The following LRRC18 variants were observed in gnomAD, a reference collection of about 807,000 sequenced individuals.
LRRC18 encodes the protein leucine rich repeat containing 18.
LRRC18 carries 12 observed loss-of-function variants against 11.2 expected under a neutral mutation model. That is an observed-to-expected ratio of 1.07 (90% CI 0.69 to 1.74). LRRC18 has a LOEUF of 1.74. Ranked by LOEUF, LRRC18 falls within the 40% of genes most tolerant of loss-of-function variation. The pLI, the probability that LRRC18 is intolerant of heterozygous loss-of-function variation, is 0.00. For missense variants in LRRC18, 374 were observed against 330.5 expected, an observed-to-expected ratio of 1.13 and a Z score of -1.02; for synonymous variants, 155 against 130.6, an observed-to-expected ratio of 1.19 and a Z score of -1.27.
At chr10:48,914,551 A>C (rs2377652), upstream of LRRC18, among the ~76,000 whole-genome samples, 21,509 of 152,066 alleles carry the variant, frequency 0.14, 1,749 homozygotes, top group Middle Eastern at 0.22. Context: ...ACCCAGAGCC[A>C]TGTGTGTGTG....
chr10:48,919,453 C>A, the LRRC18 span, among the ~76,000 whole-genome samples: 1 of 152,202 alleles, frequency 6.6e-6, no homozygotes, highest in East Asian at 1.9e-4. Context: ...TTCTATCAAA[C>A]ATTTAAAGAA....
At chr10:48,925,872 G>A in the LRRC18 span, among the ~76,000 whole-genome samples, 5 of 152,232 alleles carry the variant, frequency 3.3e-5, no homozygotes, top group East Asian at 9.6e-4. Context: ...ATGCTGCTGG[G>A]CCCTTCATGT....
chr10:48,929,661 A>T, the LRRC18 span, among the ~76,000 whole-genome samples: 1 of 152,172 alleles, frequency 6.6e-6, no homozygotes, highest in African/African-American at 2.4e-5. Context: ...TCTTGCCCGG[A>T]CCTTGCTCCC....
the LRRC18 span, among the ~76,000 whole-genome samples, chr10:48,928,474 T>C: frequency 6.6e-6 from 1 of 151,458 alleles, no homozygotes; most frequent in South Asian, 2.1e-4. Context: ...GGACTCCAGG[T>C]GCCAGCCCAG....
chr10:48,939,103 C>A, the LRRC18 span, among the ~76,000 whole-genome samples: 2 of 152,216 alleles, frequency 1.3e-5, no homozygotes, highest in Admixed American at 6.5e-5. Flanking sequence ...ACTGGGCTGA[C>A]TGAGCAGGTG....
chr10:48,936,414 C>A, the LRRC18 span, among the ~76,000 whole-genome samples: 3 of 151,918 alleles, frequency 2.0e-5, no homozygotes, highest in East Asian at 3.8e-4. Context: ...TATGTGAATA[C>A]ATAATTTAAA....
chr10:48,916,268 G>C (rs929751087), upstream of LRRC18, among the ~76,000 whole-genome samples: 2 of 152,228 alleles, frequency 1.3e-5, no homozygotes, highest in Non-Finnish European at 2.9e-5. Flanking sequence ...AGGACAGAAA[G>C]ATTTCTGATT....
At chr10:48,922,881 G>A in the LRRC18 span, among the ~76,000 whole-genome samples, 1 of 152,138 alleles carries the variant, frequency 6.6e-6, no homozygotes, top group African/African-American at 2.4e-5. Context: ...AGGGATTAGG[G>A]GTTGGGGAAA....
chr10:48,915,563 A>G (rs2133528528), upstream of LRRC18, among the ~76,000 whole-genome samples: 1 of 152,264 alleles, frequency 6.6e-6, no homozygotes, highest in East Asian at 1.9e-4. Context: ...CTTTTATTAG[A>G]ACCCAAGTTG....
At chr10:48,926,806 C>G in the LRRC18 span, among the ~76,000 whole-genome samples, 1 of 152,182 alleles carries the variant, frequency 6.6e-6, no homozygotes, top group Admixed American at 6.5e-5. Flanking sequence ...GTTTATGGGG[C>G]ACACATAATG....
exon 2 of LRRC18, chr10:48,910,191 T>TGTA: frequency 3.3e-6 from 5 of 1,507,186 alleles, no homozygotes; most frequent in Non-Finnish European, 4.6e-6. Flanking sequence ...TTCAGAGTCG[T>TGTA]TTATTCTGTT....
exon 2 of LRRC18, chr10:48,910,056 G>A: frequency 1.7e-6 from 1 of 592,270 alleles, no homozygotes; most frequent in Non-Finnish European, 3.0e-6. Context: ...ACACAGGTGG[G>A]CTAAAGCTAA....
At chr10:48,930,904 A>G in the LRRC18 span, among the ~76,000 whole-genome samples, 11 of 152,180 alleles carry the variant, frequency 7.2e-5, no homozygotes, top group Non-Finnish European at 1.0e-4. Flanking sequence ...ATGCACCCCC[A>G]TACCCAGAAA....
chr10:48,926,572 A>G, the LRRC18 span, among the ~76,000 whole-genome samples: 44 of 152,320 alleles, frequency 2.9e-4, no homozygotes, highest in Non-Finnish European at 5.4e-4. Flanking sequence ...ACAGGCAAAT[A>G]AGGTCCCTGA....
chr10:48,922,009 T>C, the LRRC18 span, among the ~76,000 whole-genome samples: 1 of 152,220 alleles, frequency 6.6e-6, no homozygotes, highest in Non-Finnish European at 1.5e-5. Flanking sequence ...TACTGAAACC[T>C]GTTCACAGGT....
At chr10:48,927,378 G>A in the LRRC18 span, among the ~76,000 whole-genome samples, 1 of 152,174 alleles carries the variant, frequency 6.6e-6, no homozygotes, top group African/African-American at 2.4e-5. Context: ...GGGTGGTGGG[G>A]GGAGGGGAAT....
At chr10:48,917,247 G>A (rs975103727), upstream of LRRC18, among the ~76,000 whole-genome samples, 8 of 152,178 alleles carry the variant, frequency 5.3e-5, no homozygotes, top group Non-Finnish European at 1.2e-4. Context: ...GAAGTGACAT[G>A]TGCCTCTATC....
the LRRC18 span, among the ~76,000 whole-genome samples, chr10:48,936,962 C>T: frequency 6.6e-6 from 1 of 151,728 alleles, no homozygotes; most frequent in Non-Finnish European, 1.5e-5. Flanking sequence ...TCTTGTCACC[C>T]AGGCTGGAGT....
chr10:48,911,590 T>G (rs981987039), intron 1 of LRRC18, among the ~76,000 whole-genome samples: 2 of 152,206 alleles, frequency 1.3e-5, no homozygotes, highest in African/African-American at 4.8e-5. Flanking sequence ...TTTTAAAGTG[T>G]GTTTATTAAT....
Sources: gnomAD v4.1 joint callset for allele counts (sites outside exome capture counted in the v4.1 genomes callset) on GRCh38, gnomAD v4.1.1 for gene constraint, MANE v1.5 for transcripts, NCBI Gene and HGNC (gene_info 2026-07-23, HGNC 2026-07-21) for gene names.